CYS1: variants seen among roughly 807,000 people sequenced by gnomAD.
The protein encoded by CYS1 is cystin-1.
Under a neutral mutation model 9.6 loss-of-function variants are expected in CYS1, and 5 were observed. The observed-to-expected ratio is 0.52, with a 90% CI of 0.27 to 1.10. The LOEUF is 1.10. Among genes scored for constraint, CYS1 ranks in the 50% least tolerant of loss-of-function variants. The pLI, the probability that CYS1 is intolerant of heterozygous loss-of-function variation, is 0.11. For synonymous variants in CYS1, 88 were observed against 95.7 expected (o/e 0.92, Z 0.47); for missense variants, 221 against 207.9 (o/e 1.06, Z -0.39).
intron 1 of CYS1, among the ~76,000 whole-genome samples, chr2:10,077,914 A>T (rs1661877784): frequency 6.6e-6 from 1 of 152,156 alleles, no homozygotes; most frequent in Non-Finnish European, 1.5e-5. Flanking sequence ...GTTTGAAACC[A>T]GCCTGGCCAT....
Position 10,073,079 on chromosome 2 carries a change from G to C in CYS1, c.318+6827C>G, listed in dbSNP as rs575269766. Among the ~76,000 whole-genome samples the C allele has an allele frequency of 1.7e-3, 256 of 150,962 alleles. 3 individuals carry two copies. The highest frequency in any genetic ancestry group is 5.7e-3 in the African/African-American group (233 of 41,126). On this transcript the variant is annotated intron_variant, in intron 1 of 2. Coordinates refer to ENST00000381813, the MANE Select transcript of CYS1 (RefSeq NM_001037160.3). ...AGTGCAGGTGGGCTCTGCATGGGGG[G>C]GCGGTGCAGGCTGGCTGTGTGGGAG...
At chr2:10,077,706 T>G (rs1661870804) in intron 1 of CYS1, among the ~76,000 whole-genome samples, 1 of 151,990 alleles carries the variant, frequency 6.6e-6, no homozygotes, top group South Asian at 2.1e-4. Flanking sequence ...ACATCTGTAG[T>G]ATGCAGGCGT....
At chr2:10,068,129 T>C (rs1298438039) in intron 1 of CYS1, among the ~76,000 whole-genome samples, 2 of 152,250 alleles carry the variant, frequency 1.3e-5, no homozygotes, top group Admixed American at 1.3e-4. Flanking sequence ...ACTTATACCA[T>C]TGATATCTTT....
rs574007557 is a variant in CYS1 at position 10,058,649 on chromosome 2, T to TA, written c.*203dup. The TA allele has an allele frequency of 1.2e-3, 638 of 522,468 alleles. 3 individuals carry two copies. The highest frequency in any genetic ancestry group is 0.011 in the African/African-American group (599 of 53,040). The allele number at this position is 522,468 out of a possible 1,614,324, so 32.4% of individuals were successfully genotyped here. A position where few individuals can be genotyped will look rare whatever the true frequency, so the allele number is the denominator to read the frequency against. Reference sequence around the variant, plus strand: ...CCACGCACCTGTGGGTCTACACAGCTAATCGCCCCCACCAGCAACCATGAC... The same window carrying TA: ...CCACGCACCTGTGGGTCTACACAGCTAAATCGCCCCCACCAGCAACCATGAC... On this transcript the variant is annotated 3_prime_UTR_variant, in exon 3 of 3. Transcript: ENST00000381813.
chr2:10,072,812 A>G (rs1661788235), intron 1 of CYS1, among the ~76,000 whole-genome samples: 1 of 152,128 alleles, frequency 6.6e-6, no homozygotes, highest in African/African-American at 2.4e-5. Context: ...GGGAAGCTCC[A>G]CTGTAGGGCT....
chr2:10,080,063 G>C lies in CYS1; in HGVS notation c.161C>G (p.Pro54Arg), dbSNP rs1475185674. The change falls in exon 1 of 3, where the codon CCC becomes CGC. Residue 54 changes from proline (P) to arginine (R), a missense_variant. Physicochemically the swap from Pro to Arg is moderately radical, Grantham distance 103. Coordinates refer to ENST00000381813, the MANE Select transcript of CYS1 (RefSeq NM_001037160.3). This position sits in a 1 kb window ranked among gnomAD's most constrained non-coding sequence, Gnocchi z 6.4. ...EVPGAAAEEA[P>R]GRDPSPVAPP... Reference sequence around the variant, plus strand: ...CGCCACGGGGCTGGGGTCGCGGCCGGGCGCCTCCTCCGCGGCTGCCCCCGG... The same window carrying C: ...CGCCACGGGGCTGGGGTCGCGGCCGCGCGCCTCCTCCGCGGCTGCCCCCGG... 7.9e-5 allele frequency: 82 copies of C among 1,040,436 alleles called. No individual in the cohort carries two copies. The highest frequency in any genetic ancestry group is 9.1e-5 in the Non-Finnish European group (79 of 867,328). 64.5% of individuals were successfully genotyped at this position (1,040,436 alleles called of 1,614,324 possible).
intron 2 of CYS1, among the ~76,000 whole-genome samples, chr2:10,064,668 G>A (rs566736202): frequency 4.4e-4 from 67 of 151,652 alleles, no homozygotes; most frequent in Non-Finnish European, 8.3e-4. Flanking sequence ...CTCTCTCCTC[G>A]GCGAACTCCT....
intron 2 of CYS1, among the ~76,000 whole-genome samples, chr2:10,062,836 T>C (rs1204053465): frequency 1.3e-5 from 2 of 152,220 alleles, no homozygotes; most frequent in Non-Finnish European, 2.9e-5. Context: ...GCCCAAGGCC[T>C]GGCTTACAGT....
At chr2:10,079,872 C>T in intron 1 of CYS1, 34 bp downstream of exon 1, 2 of 1,089,382 alleles carry the variant, frequency 1.8e-6, no homozygotes, top group Non-Finnish European at 2.2e-6. Context: ...GGGGTCCCCG[C>T]CGTCCCCCGA....
At chr2:10,068,660 C>T (rs1419454238) in intron 1 of CYS1, among the ~76,000 whole-genome samples, 2 of 152,138 alleles carry the variant, frequency 1.3e-5, no homozygotes, top group East Asian at 1.9e-4. Flanking sequence ...TAGGTGTACA[C>T]GATTACAAAG....
chr2:10,066,460 C>A (rs1220508011), intron 1 of CYS1, among the ~76,000 whole-genome samples: 3 of 152,216 alleles, frequency 2.0e-5, no homozygotes, highest in Non-Finnish European at 4.4e-5. Flanking sequence ...TGCCCAGAAC[C>A]CTCTCCCTCC....
rs549994184 is a variant in CYS1 at position 10,070,817 on chromosome 2, T to C, written c.319-4861A>G. On this transcript the variant is annotated intron_variant, in intron 1 of 2. Coordinates refer to ENST00000381813, the MANE Select transcript of CYS1 (RefSeq NM_001037160.3). ...TGCCACCACACAAGGCTAATTCTTG[T>C]ACTTTTTGTAGAGACGAAGTCTCCC... Among the ~76,000 whole-genome samples, 7 of 152,184 alleles carry C rather than the reference T, an allele frequency of 4.6e-5. No individual in the cohort carries two copies. The East Asian group carries it at 9.7e-4, about 21-fold the overall frequency.
chr2:10,068,500 C>A (rs1661723418), intron 1 of CYS1, among the ~76,000 whole-genome samples: 1 of 152,212 alleles, frequency 6.6e-6, no homozygotes, highest in South Asian at 2.1e-4. Flanking sequence ...TGGTCTGAAA[C>A]CACTTCAAAT....
chr2:10,074,858 T>C (rs1284625336), intron 1 of CYS1, among the ~76,000 whole-genome samples: 1 of 152,132 alleles, frequency 6.6e-6, no homozygotes, highest in Non-Finnish European at 1.5e-5. Context: ...ATGCCTATAA[T>C]CCCAGCACTT....
chr2:10,071,366 G>A (rs568040830), intron 1 of CYS1, among the ~76,000 whole-genome samples: 8 of 152,336 alleles, frequency 5.3e-5, no homozygotes, highest in Admixed American at 3.3e-4. Context: ...AAAGGGCAGC[G>A]GGACCCTTGC....
chr2:10,078,451 C>T (rs1464158050), intron 1 of CYS1, among the ~76,000 whole-genome samples: 1 of 152,222 alleles, frequency 6.6e-6, no homozygotes, highest in African/African-American at 2.4e-5. Flanking sequence ...TGGCATGGCG[C>T]ACTGCAGCCT....
chr2:10,066,667 T>C (rs1164782972), intron 1 of CYS1, among the ~76,000 whole-genome samples: 2 of 152,248 alleles, frequency 1.3e-5, no homozygotes, highest in African/African-American at 4.8e-5. Context: ...AAGAGAGTCT[T>C]GGTGATTCTT....
At chr2:10,064,855 T>C (rs947267856) in intron 2 of CYS1, among the ~76,000 whole-genome samples, 1 of 151,658 alleles carries the variant, frequency 6.6e-6, no homozygotes, top group African/African-American at 2.4e-5. Context: ...GTAGCTGGGA[T>C]TACAGGTGCG....
rs373991989 is a variant in CYS1 at position 10,068,448 on chromosome 2, A to G, written c.319-2492T>C. On this transcript the variant is annotated intron_variant, in intron 1 of 2. Coordinates refer to ENST00000381813, the MANE Select transcript of CYS1 (RefSeq NM_001037160.3). ...AGGCCTAAGAGGCCTTCCTCCAGAG[A>G]GGGGATGCATTTGCTTTTGTCAGGC... 4.3e-4 allele frequency among the ~76,000 whole-genome samples: 65 copies of G among 152,348 alleles called. 2 individuals carry two copies. In the South Asian group the frequency reaches 0.013, roughly 31 times the overall value.
Sources: allele counts gnomAD v4.1 joint callset (sites outside exome capture counted in the v4.1 genomes callset), GRCh38; gene constraint gnomAD v4.1.1; non-coding constraint Gnocchi (gnomAD v3.1); transcripts MANE v1.5; gene names NCBI Gene and HGNC (gene_info 2026-07-23, HGNC 2026-07-21).